Variants in KALRN observed in about 807,000 individuals in gnomAD.
The protein encoded by KALRN is kalirin.
Under a neutral mutation model 353.7 loss-of-function variants are expected in KALRN, and 70 were observed. That is an observed-to-expected ratio of 0.20 (90% confidence interval 0.16 to 0.24). The LOEUF (loss-of-function observed/expected upper bound fraction) is 0.24, where lower values mean the gene tolerates loss of function less well. Among genes scored for constraint, KALRN ranks in the 10% least tolerant of loss-of-function variants. The pLI is 1.00. For missense variants in KALRN, 2,791 were observed against 3,756.7 expected (o/e 0.74, Z 6.72); for synonymous variants, 1,391 against 1,434.8 (o/e 0.97, Z 0.69).
intron 10 of KALRN, among the ~76,000 whole-genome samples, chr3:124,370,875 A>G (rs1166537147): frequency 6.6e-6 from 1 of 152,234 alleles, no homozygotes; most frequent in Non-Finnish European, 1.5e-5. Context: ...AATCATAGGC[A>G]TGAACGAGAT....
Position 124,334,247 on chromosome 3 carries a change from C to T in KALRN, c.1417-18C>T, listed in dbSNP as rs1445732496. 6.2e-7 allele frequency: 1 copy of T among 1,609,420 alleles called. No homozygotes were observed. The highest frequency in any genetic ancestry group is 1.7e-5 in the Admixed American group (1 of 60,020). ...TATCACCCTTTTCCCTTAACTTAAACTTCTCTCTTTCCTGCAGGTCAGCCA... is the reference window on the plus strand; with the variant it reads ...TATCACCCTTTTCCCTTAACTTAAATTTCTCTCTTTCCTGCAGGTCAGCCA... On this transcript the variant is annotated intron_variant, in intron 8 of 59. Coordinates refer to ENST00000682506, the MANE Select transcript of KALRN (RefSeq NM_001388419.1). This position sits in a 1 kb window ranked among gnomAD's most constrained non-coding sequence, Gnocchi z 4.2.
intron 13 of KALRN, among the ~76,000 whole-genome samples, chr3:124,399,426 C>T (rs551077183): frequency 1.3e-3 from 199 of 152,360 alleles, no homozygotes; most frequent in African/African-American, 4.5e-3. Flanking sequence ...GCATGAGCCA[C>T]TGTGCCTAGC....
At chr3:124,335,320 G>GT (rs1468019901) in intron 9 of KALRN, among the ~76,000 whole-genome samples, 1 of 152,054 alleles carries the variant, frequency 6.6e-6, no homozygotes, top group Admixed American at 6.6e-5. Context: ...GTTGTTCAGT[G>GT]TATGTTTCAT....
chr3:124,084,446 C>T (rs1032416916), intron 1 of KALRN, among the ~76,000 whole-genome samples: 1 of 152,226 alleles, frequency 6.6e-6, no homozygotes, highest in African/African-American at 2.4e-5. Flanking sequence ...GAGGGGTATC[C>T]TCAGCAGCCT....
chr3:124,211,681 G>T (rs1331018389), intron 1 of KALRN, among the ~76,000 whole-genome samples: 1 of 152,134 alleles, frequency 6.6e-6, no homozygotes, highest in Non-Finnish European at 1.5e-5. Context: ...TTGGATGTTT[G>T]TTGGAGTCTT....
At chr3:124,638,669 C>T (rs2149921190) in intron 37 of KALRN, among the ~76,000 whole-genome samples, 1 of 152,172 alleles carries the variant, frequency 6.6e-6, no homozygotes, top group Non-Finnish European at 1.5e-5. Flanking sequence ...CCTGCCTTTT[C>T]TCTGCTAAGT....
intron 10 of KALRN, among the ~76,000 whole-genome samples, chr3:124,382,053 A>G (rs2087469808): frequency 6.6e-6 from 1 of 152,186 alleles, no homozygotes; most frequent in South Asian, 2.1e-4. Context: ...AAGCCTGCCA[A>G]CAGGGTTTTA....
intron 10 of KALRN, among the ~76,000 whole-genome samples, chr3:124,357,513 T>C (rs4678112): frequency 0.022 from 3,329 of 152,316 alleles, 124 homozygotes; most frequent in East Asian, 0.1. Flanking sequence ...CCATCTTGTA[T>C]TCCTGTTGTC....
intron 5 of KALRN, 119 bp from the exon 6 acceptor site, chr3:124,298,672 T>C (rs2077034998): frequency 3.5e-6 from 4 of 1,150,408 alleles, no homozygotes; most frequent in Non-Finnish European, 5.1e-6. Context: ...CTCAGAACAA[T>C]AACTGGTTCT....
chr3:124,217,598 T>C (rs539074043), intron 1 of KALRN, among the ~76,000 whole-genome samples: 1 of 152,320 alleles, frequency 6.6e-6, no homozygotes, highest in African/African-American at 2.4e-5. Context: ...TCTTCACATT[T>C]CTTTATCTCC....
chr3:124,478,652 T>C (rs937550033), intron 27 of KALRN, among the ~76,000 whole-genome samples: 1 of 152,254 alleles, frequency 6.6e-6, no homozygotes. Flanking sequence ...TTGGGTATCA[T>C]ATTGGATGCC....
intron 1 of KALRN, among the ~76,000 whole-genome samples, chr3:124,222,612 G>C (rs1579602438): frequency 6.6e-6 from 1 of 151,982 alleles, no homozygotes; most frequent in East Asian, 1.9e-4. Context: ...TGTGTGGTGG[G>C]GGCTGTTGAG....
chr3:124,433,508 A>T (rs2093354315), intron 16 of KALRN, among the ~76,000 whole-genome samples: 1 of 145,508 alleles, frequency 6.9e-6, no homozygotes, highest in African/African-American at 2.5e-5. Flanking sequence ...AGGCAAGAGG[A>T]TTGCTTGAGC....
chr3:124,512,178 CAAG>C (rs1030680108), intron 33 of KALRN, among the ~76,000 whole-genome samples: 2 of 152,232 alleles, frequency 1.3e-5, no homozygotes, highest in Non-Finnish European at 1.5e-5. Flanking sequence ...GTTTGAGGGG[CAAG>C]AACTTGGATA....
chr3:124,635,852 G>A (rs754967351), intron 36 of KALRN, among the ~76,000 whole-genome samples: 1 of 152,088 alleles, frequency 6.6e-6, no homozygotes, highest in African/African-American at 2.4e-5. Flanking sequence ...CTTATTTGCT[G>A]TTCCATAATG....
intron 34 of KALRN, among the ~76,000 whole-genome samples, chr3:124,602,480 G>A (rs1276893429): frequency 6.6e-6 from 1 of 152,172 alleles, no homozygotes; most frequent in Non-Finnish European, 1.5e-5. Flanking sequence ...TCTATGTCAA[G>A]TGTCAACCTA....
At chr3:124,598,657 G>C (rs1561383225) in intron 34 of KALRN, among the ~76,000 whole-genome samples, 1 of 151,788 alleles carries the variant, frequency 6.6e-6, no homozygotes, top group African/African-American at 2.4e-5. Context: ...TTGTGTTGTT[G>C]TTGTTTGTTT....
chr3:124,194,945 G>A (rs570298935), intron 1 of KALRN, among the ~76,000 whole-genome samples: 2 of 152,320 alleles, frequency 1.3e-5, no homozygotes, highest in South Asian at 2.1e-4. Context: ...TGAGTTTTAG[G>A]AAGAGAAGGC....
chr3:124,590,875 G>A (rs185260791), intron 34 of KALRN, among the ~76,000 whole-genome samples: 15 of 152,256 alleles, frequency 9.9e-5, no homozygotes, highest in Admixed American at 6.5e-4. Context: ...TTTTATACAG[G>A]AGAAAATGGA....
Sources: gnomAD v4.1 joint callset for allele counts (sites outside exome capture counted in the v4.1 genomes callset) on GRCh38, gnomAD v4.1.1 for gene constraint, Gnocchi (gnomAD v3.1) non-coding constraint, MANE v1.5 for transcripts, NCBI Gene and HGNC (gene_info 2026-07-23, HGNC 2026-07-21) for gene names.